ARB2A: variants seen among roughly 807,000 people sequenced by gnomAD.
ARB2A encodes the protein ARB2 cotranscriptional regulator A.
chr5:93,779,597 G>T, the ARB2A span, among the ~76,000 whole-genome samples: 1 of 152,150 alleles, frequency 6.6e-6, no homozygotes, highest in African/African-American at 2.4e-5. Flanking sequence ...TACCAATAGT[G>T]CCATGCTTGA....
chr5:94,069,039 AAGATAGATAGATAGATAGAT>A, the ARB2A span, among the ~76,000 whole-genome samples: 2 of 140,394 alleles, frequency 1.4e-5, no homozygotes, highest in East Asian at 2.1e-4. Flanking sequence ...CTGTCTTAAA[AAGATAGATAGATAGATAGAT>A]AGATAGATAG....
the ARB2A span, among the ~76,000 whole-genome samples, chr5:94,073,350 G>A: frequency 6.6e-6 from 1 of 152,098 alleles, no homozygotes; most frequent in Non-Finnish European, 1.5e-5. Flanking sequence ...ATTCAGAGAA[G>A]TTAAGCAACT....
At chr5:93,871,953 T>TC in the ARB2A span, among the ~76,000 whole-genome samples, 1 of 149,376 alleles carries the variant, frequency 6.7e-6, no homozygotes, top group African/African-American at 2.4e-5. Context: ...TTTTTTCTTT[T>TC]TTTTTTTTTT....
the ARB2A span, chr5:93,741,280 G>A: frequency 6.2e-7 from 1 of 1,613,776 alleles, no homozygotes; most frequent in Non-Finnish European, 8.5e-7. Context: ...GCCTTCGGAG[G>A]GGCGTCGCAA....
the ARB2A span, among the ~76,000 whole-genome samples, chr5:93,644,504 T>C: frequency 6.6e-6 from 1 of 152,126 alleles, no homozygotes; most frequent in South Asian, 2.1e-4. Context: ...TGTTGATCAA[T>C]GGGGAATAAG....
chr5:94,062,842 T>C, the ARB2A span, among the ~76,000 whole-genome samples: 1 of 152,202 alleles, frequency 6.6e-6, no homozygotes. Context: ...TAATGCCACC[T>C]GGGCAAAAAT....
At chr5:94,046,039 T>C in the ARB2A span, among the ~76,000 whole-genome samples, 96 of 152,206 alleles carry the variant, frequency 6.3e-4, no homozygotes, top group Non-Finnish European at 1.1e-3. Context: ...GGAGGTGGGA[T>C]ACAGTGACAA....
At chr5:93,732,574 T>C in the ARB2A span, among the ~76,000 whole-genome samples, 8 of 151,584 alleles carry the variant, frequency 5.3e-5, no homozygotes, top group Non-Finnish European at 1.0e-4. Context: ...TTAACATTAA[T>C]GGGCCTCTGA....
chr5:93,708,657 C>T, the ARB2A span, among the ~76,000 whole-genome samples: 2 of 152,130 alleles, frequency 1.3e-5, no homozygotes, highest in Admixed American at 6.5e-5. Flanking sequence ...AACCGCTCAC[C>T]TCCTGCTGTG....
the ARB2A span, among the ~76,000 whole-genome samples, chr5:93,744,903 C>T: frequency 2.6e-5 from 4 of 152,110 alleles, no homozygotes; most frequent in Non-Finnish European, 5.9e-5. Flanking sequence ...ACACATGGTT[C>T]CAGTCCCCAA....
chr5:93,793,237 TAA>T, the ARB2A span, among the ~76,000 whole-genome samples: 2 of 121,718 alleles, frequency 1.6e-5, no homozygotes, highest in Non-Finnish European at 3.3e-5. Flanking sequence ...CACTTCTGGC[TAA>T]TTTTTTTTTT....
chr5:93,877,284 AC>A, the ARB2A span, among the ~76,000 whole-genome samples: 1 of 152,088 alleles, frequency 6.6e-6, no homozygotes, highest in African/African-American at 2.4e-5. Context: ...TTTTGCCTAT[AC>A]TCTACACATA....
the ARB2A span, among the ~76,000 whole-genome samples, chr5:94,053,790 G>A: frequency 6.6e-6 from 1 of 152,018 alleles, no homozygotes; most frequent in Non-Finnish European, 1.5e-5. Context: ...TTTTTGAGAT[G>A]AGGTCTCACT....
the ARB2A span, among the ~76,000 whole-genome samples, chr5:93,718,233 A>G: frequency 6.6e-6 from 1 of 152,168 alleles, no homozygotes; most frequent in East Asian, 2.0e-4. Context: ...CGAGGTCAAG[A>G]GATCGAGACC....
the ARB2A span, among the ~76,000 whole-genome samples, chr5:93,819,015 G>A: frequency 5.3e-5 from 8 of 151,264 alleles, no homozygotes; most frequent in African/African-American, 7.3e-5. Flanking sequence ...GTGAAACCCC[G>A]TCTCTACTAA....
chr5:93,674,816 T>C, the ARB2A span, among the ~76,000 whole-genome samples: 1 of 152,226 alleles, frequency 6.6e-6, no homozygotes, highest in South Asian at 2.1e-4. Context: ...TGTTGCTGAA[T>C]GTTCTCAATA....
At chr5:94,111,024 C>T in the ARB2A span, among the ~76,000 whole-genome samples, 1 of 152,232 alleles carries the variant, frequency 6.6e-6, no homozygotes, top group Non-Finnish European at 1.5e-5. Flanking sequence ...TTAATTCATA[C>T]TGCATCCCAG....
chr5:93,832,277 C>A, the ARB2A span, among the ~76,000 whole-genome samples: 1 of 152,098 alleles, frequency 6.6e-6, no homozygotes, highest in Non-Finnish European at 1.5e-5. Context: ...AAATCTTATA[C>A]CCCACAGAAG....
chr5:93,635,453 A>T, the ARB2A span, among the ~76,000 whole-genome samples: 2 of 143,612 alleles, frequency 1.4e-5, no homozygotes, highest in Admixed American at 1.4e-4. Context: ...TACAGTTTAT[A>T]CGAAAGTTTT....
Sources: allele counts gnomAD v4.1 joint callset (sites outside exome capture counted in the v4.1 genomes callset), GRCh38; gene constraint gnomAD v4.1.1; transcripts MANE v1.5; gene names NCBI Gene and HGNC (gene_info 2026-07-23, HGNC 2026-07-21).